The following PRLR variants were observed in gnomAD, a reference collection of about 807,000 sequenced individuals.
PRLR encodes the protein prolactin receptor.
PRLR carries 13 observed loss-of-function variants against 40.2 expected under a neutral mutation model. The ratio of observed to expected loss-of-function variants is 0.32; its 90% CI spans 0.21 to 0.51. The LOEUF (loss-of-function observed/expected upper bound fraction) is 0.51, where lower values mean the gene tolerates loss of function less well. Ranked by LOEUF, PRLR falls within the 20% of genes least tolerant of loss-of-function variation. The pLI is 0.97. For synonymous variants in PRLR, 269 were observed against 278.7 expected, an observed-to-expected ratio of 0.97 and a Z score of 0.35; for missense variants, 656 against 747.3, an observed-to-expected ratio of 0.88 and a Z score of 1.42.
chr5:35,160,300 C>T (rs115465587), intron 1 of PRLR, among the ~76,000 whole-genome samples: 3,862 of 152,248 alleles, frequency 0.025, 162 homozygotes, highest in African/African-American at 0.089. Context: ...TCTATGGCTG[C>T]CTTCATGCTA....
intron 1 of PRLR, among the ~76,000 whole-genome samples, chr5:35,142,499 T>A (rs914549893): frequency 2.0e-5 from 3 of 152,190 alleles, no homozygotes; most frequent in African/African-American, 7.2e-5. Flanking sequence ...CTTCTAAATA[T>A]CTAAAGAAAC....
chr5:35,223,615 A>G (rs1776476238), intron 1 of PRLR, among the ~76,000 whole-genome samples: 1 of 152,190 alleles, frequency 6.6e-6, no homozygotes, highest in African/African-American at 2.4e-5. Context: ...CCAGCCCTCA[A>G]TGCCCATTTT....
chr5:35,098,459 G>T (rs193015758), intron 2 of PRLR, among the ~76,000 whole-genome samples: 2 of 152,264 alleles, frequency 1.3e-5, no homozygotes, highest in Non-Finnish European at 2.9e-5. Context: ...GAGATGTCAC[G>T]GTTGTTTGTT....
intron 1 of PRLR, chr5:35,152,875 G>A (rs982703075): frequency 6.6e-6 from 1 of 152,162 alleles, no homozygotes; most frequent in Non-Finnish European, 1.5e-5. Flanking sequence ...AAGGGAAGTG[G>A]ATAAAGGCCT....
intron 1 of PRLR, among the ~76,000 whole-genome samples, chr5:35,119,732 C>CA (rs1269081854): frequency 6.6e-6 from 1 of 152,116 alleles, no homozygotes; most frequent in Non-Finnish European, 1.5e-5. Context: ...AGAGCAAATC[C>CA]TGCTCCGTTC....
intron 6 of PRLR, among the ~76,000 whole-genome samples, chr5:35,070,696 A>G (rs974121120): frequency 6.6e-6 from 1 of 151,734 alleles, no homozygotes; most frequent in Admixed American, 6.6e-5. Flanking sequence ...ATACAAAATT[A>G]GCCAGGCATG....
At chr5:35,159,620 A>T (rs1025255620) in intron 1 of PRLR, among the ~76,000 whole-genome samples, 3 of 152,198 alleles carry the variant, frequency 2.0e-5, no homozygotes, top group Non-Finnish European at 4.4e-5. Context: ...AGACCCAAGG[A>T]ATGTGGCAAA....
chr5:35,096,345 G>A (rs969364058), intron 2 of PRLR, among the ~76,000 whole-genome samples: 7 of 152,124 alleles, frequency 4.6e-5, no homozygotes, highest in Admixed American at 4.6e-4. Context: ...TTTTCGAGCA[G>A]TCTTTTTGGC....
intron 4 of PRLR, among the ~76,000 whole-genome samples, chr5:35,085,328 G>A (rs913521155): frequency 2.0e-5 from 3 of 152,186 alleles, no homozygotes; most frequent in Admixed American, 2.0e-4. Context: ...TTTCAGCCGG[G>A]ATGACAGTTT....
intron 1 of PRLR, 128 bp from the exon 2 acceptor site, chr5:35,118,250 T>A (rs962851239): frequency 1.1e-5 from 3 of 267,538 alleles, no homozygotes; most frequent in Non-Finnish European, 1.7e-5. Flanking sequence ...ACAGCTCTAG[T>A]GTTCTGGAAT....
At chr5:35,069,951 A>G (rs1397936628) in intron 7 of PRLR, among the ~76,000 whole-genome samples, 173 bp downstream of exon 7, 2 of 152,252 alleles carry the variant, frequency 1.3e-5, no homozygotes, top group Non-Finnish European at 1.5e-5. Context: ...ACAGTAATCC[A>G]GGGTGCAATG....
intron 5 of PRLR, among the ~76,000 whole-genome samples, chr5:35,079,349 C>T (rs1770343886): frequency 6.6e-6 from 1 of 152,182 alleles, no homozygotes; most frequent in Non-Finnish European, 1.5e-5. Flanking sequence ...TGATAAGCAA[C>T]TTCAGCAAGT....
intron 1 of PRLR, among the ~76,000 whole-genome samples, chr5:35,229,933 G>A (rs891171021): frequency 5.9e-5 from 9 of 152,196 alleles, no homozygotes; most frequent in African/African-American, 2.2e-4. Flanking sequence ...TCATGCTCAA[G>A]GATACAGGTG....
At chr5:35,113,797 A>T (rs1204623883) in intron 2 of PRLR, among the ~76,000 whole-genome samples, 1 of 152,226 alleles carries the variant, frequency 6.6e-6, no homozygotes, top group Non-Finnish European at 1.5e-5. Flanking sequence ...GGAGGCCAGG[A>T]GGGGTTGCCT....
intron 1 of PRLR, among the ~76,000 whole-genome samples, chr5:35,190,201 T>C (rs1376356839): frequency 6.6e-6 from 1 of 152,142 alleles, no homozygotes; most frequent in African/African-American, 2.4e-5. Context: ...AATTATCCCA[T>C]TTTACATGTG....
chr5:35,164,821 G>A (rs1774774689), intron 1 of PRLR, among the ~76,000 whole-genome samples: 1 of 152,162 alleles, frequency 6.6e-6, no homozygotes, highest in Non-Finnish European at 1.5e-5. Flanking sequence ...TGGTAGCGGT[G>A]GAACTGGTGA....
At chr5:35,172,828 T>C (rs1775040841) in intron 1 of PRLR, among the ~76,000 whole-genome samples, 1 of 152,216 alleles carries the variant, frequency 6.6e-6, no homozygotes. Flanking sequence ...AGAGGGGACT[T>C]GATTTGTTCT....
At chr5:35,079,400 C>T (rs1406945008) in intron 5 of PRLR, among the ~76,000 whole-genome samples, 1 of 152,094 alleles carries the variant, frequency 6.6e-6, no homozygotes, top group South Asian at 2.1e-4. Context: ...ACAAGCATTC[C>T]TATACACCAA....
At chr5:35,079,948 T>G (rs1770390073) in intron 5 of PRLR, among the ~76,000 whole-genome samples, 1 of 152,246 alleles carries the variant, frequency 6.6e-6, no homozygotes, top group African/African-American at 2.4e-5. Flanking sequence ...AAGGATTCCC[T>G]ATTTAATAAA....
Sources: allele counts gnomAD v4.1 joint callset (sites outside exome capture counted in the v4.1 genomes callset), GRCh38; gene constraint gnomAD v4.1.1; transcripts MANE v1.5; gene names NCBI Gene and HGNC (gene_info 2026-07-23, HGNC 2026-07-21).